The following CSPP1 variants were observed in gnomAD, a reference collection of about 807,000 sequenced individuals.
CSPP1 encodes the protein centrosome and spindle pole associated protein 1, also known as centrosome and spindle pole-associated protein 1.
A neutral mutation model predicts 164.4 loss-of-function variants in CSPP1; 126 were observed. The observed-to-expected ratio is 0.77, with a 90% CI of 0.66 to 0.89. The LOEUF (loss-of-function observed/expected upper bound fraction) is 0.89. CSPP1 is among the 40% of genes least tolerant of loss of function. The pLI is 0.00. For synonymous variants in CSPP1, 472 were observed against 476.7 expected (o/e 0.99, Z 0.13); for missense variants, 1,395 against 1,449.8 (o/e 0.96, Z 0.61).
chr8:67,169,272 C>G (rs1189397676), intron 24 of CSPP1, among the ~76,000 whole-genome samples: 1 of 152,084 alleles, frequency 6.6e-6, no homozygotes, highest in African/African-American at 2.4e-5. Flanking sequence ...ATCACTCCCT[C>G]AAAGCCCTGG....
chr8:67,131,912 G>C (rs762561992), intron 15 of CSPP1, 39 bp from the exon 16 acceptor site: 1 of 1,522,578 alleles, frequency 6.6e-7, no homozygotes, highest in African/African-American at 1.4e-5. Context: ...TTGCTTTGTC[G>C]TCAATGGATT....
intron 15 of CSPP1, among the ~76,000 whole-genome samples, chr8:67,124,573 T>G (rs1372174380): frequency 6.6e-6 from 1 of 152,284 alleles, no homozygotes; most frequent in South Asian, 2.1e-4. Flanking sequence ...TGATCATGGC[T>G]CACTGCAAGC....
At chr8:67,173,700 A>G (rs1472942507) in intron 25 of CSPP1, 1 of 152,076 alleles carries the variant, frequency 6.6e-6, no homozygotes. Context: ...AATTTTCTCT[A>G]TTGTTTTTCA....
intron 2 of CSPP1, chr8:67,074,936 A>G (rs1424145690): frequency 6.2e-6 from 1 of 160,224 alleles, no homozygotes; most frequent in Non-Finnish European, 1.4e-5. Context: ...GCCCGCCACT[A>G]TGCCTGGCTA....
At chr8:67,106,719 G>C (rs1021198119) in intron 9 of CSPP1, among the ~76,000 whole-genome samples, 14 of 152,202 alleles carry the variant, frequency 9.2e-5, no homozygotes, top group African/African-American at 3.1e-4. Flanking sequence ...ATAGAAAAGA[G>C]GTCTTTTTGT....
intron 15 of CSPP1, 139 bp downstream of exon 15, chr8:67,118,960 C>A: frequency 1.6e-6 from 1 of 631,980 alleles, no homozygotes; most frequent in Non-Finnish European, 2.9e-6. Context: ...CAACCATCAC[C>A]ACAATCCATC....
At chr8:67,082,152 A>G (rs1299669471) in intron 3 of CSPP1, among the ~76,000 whole-genome samples, 2 of 152,128 alleles carry the variant, frequency 1.3e-5, no homozygotes, top group Non-Finnish European at 2.9e-5. Context: ...GGTTCAAGCT[A>G]TTCTCCTGCC....
rs778822396 is a variant in CSPP1, at chr8:67,154,056, C to T, written c.2161C>T (p.Arg721Trp). Residue 721 changes from arginine to tryptophan, a missense_variant, in exon 19 of 31, where the codon CGG (arginine) becomes TGG (tryptophan). Coordinates refer to ENST00000678616, the MANE Select transcript of CSPP1 (RefSeq NM_001382391.1). ...GCAAACACAGAGCTCTCCTTTTGCT[C>T]GGGGAAATGTATTTGGTGAGCCTCC... ...HMQTQSSPFARGNVFGEPPTE... is the reference protein window; with the variant it reads ...HMQTQSSPFAWGNVFGEPPTE... 25 of 1,604,092 alleles carry T rather than the reference C, an allele frequency of 1.6e-5. No individual in the cohort carries two copies. The highest frequency in any genetic ancestry group is 5.5e-5 in the South Asian group (5 of 90,494).
chr8:67,161,895 A>C lies in CSPP1; in HGVS notation c.2623A>C (p.Ile875Leu), dbSNP rs1828430204. ...KLQRPPSVDS[I>L]IRSFIHESSM... The stretch of plus-strand genomic sequence containing the variant: ...CCAAAGACCTCCTTCAGTTGACAGC[A>C]TCATACGTTCCTTTATTCATGTATG... The change falls in exon 22 of 31, where the codon ATC becomes CTC. Residue 875 changes from isoleucine to leucine, a missense_variant. Ile to Leu is a conservative substitution (Grantham distance 5). Transcript: ENST00000678616. 6.2e-7 allele frequency: 1 copy of C among 1,609,166 alleles called. No homozygotes were observed. The highest frequency in any genetic ancestry group is 1.7e-5 in the Admixed American group (1 of 59,982).
chr8:67,154,013 T>C lies in CSPP1; in HGVS notation c.2129-11T>C, dbSNP rs1455763063. 1 of 1,441,776 alleles carries C rather than the reference T, an allele frequency of 6.9e-7. No homozygotes were observed. The highest frequency in any genetic ancestry group is 1.4e-5 in the African/African-American group (1 of 71,442). 89.3% of individuals were successfully genotyped at this position (1,441,776 alleles called of 1,614,324 possible). A position where few individuals can be genotyped will look rare whatever the true frequency, so the allele number is the denominator to read the frequency against. The stretch of plus-strand genomic sequence containing the variant: ...GCTAATAGTATGTTTTTGCAAAATA[T>C]TTCTTTCAAGGTCATATGCAAACAC... On this transcript the variant is annotated splice_polypyrimidine_tract_variant and intron_variant, in intron 18 of 30. Coordinates refer to ENST00000678616, the MANE Select transcript of CSPP1 (RefSeq NM_001382391.1).
At chr8:67,118,864 TTTG>T (rs749254186) in intron 15 of CSPP1, 43 bp downstream of exon 15, 12 of 1,320,602 alleles carry the variant, frequency 9.1e-6, no homozygotes, top group South Asian at 2.4e-5. Flanking sequence ...CCACTTTTAT[TTTG>T]TTAAGATACA....
At chr8:67,160,030 T>TCTTTTC (rs1827983220) in intron 21 of CSPP1, among the ~76,000 whole-genome samples, 1 of 109,174 alleles carries the variant, frequency 9.2e-6, no homozygotes, top group Non-Finnish European at 1.6e-5. Flanking sequence ...TCTTTTCTTT[T>TCTTTTC]CTTTTTCTTT....
At chr8:67,187,007 A>C (rs748160853) in intron 28 of CSPP1, among the ~76,000 whole-genome samples, 1 of 150,726 alleles carries the variant, frequency 6.6e-6, no homozygotes, top group Non-Finnish European at 1.5e-5. Context: ...CTATCTATCT[A>C]TCTATCTAAT....
At chr8:67,179,284 C>T (rs1039213729) in intron 27 of CSPP1, among the ~76,000 whole-genome samples, 2 of 152,130 alleles carry the variant, frequency 1.3e-5, no homozygotes, top group African/African-American at 4.8e-5. Flanking sequence ...TCCACTATAT[C>T]TGTGCTGCAT....
intron 18 of CSPP1, among the ~76,000 whole-genome samples, chr8:67,152,312 T>C (rs939721393): frequency 1.3e-5 from 2 of 152,140 alleles, no homozygotes; most frequent in African/African-American, 4.8e-5. Context: ...TGTTACAACA[T>C]GTGTTTAAGT....
chr8:67,163,604 A>T, intron 22 of CSPP1, 128 bp from the exon 23 acceptor site: 1 of 624,952 alleles, frequency 1.6e-6, no homozygotes, highest in South Asian at 2.0e-5. Flanking sequence ...ATAGCTGGGT[A>T]AGTTTTGGAG....
At chr8:67,180,849 G>T (rs1832826441) in intron 28 of CSPP1, among the ~76,000 whole-genome samples, 1 of 151,780 alleles carries the variant, frequency 6.6e-6, no homozygotes. Flanking sequence ...AGGTACCATG[G>T]GATCTTCTTT....
At chr8:67,137,279 C>A (rs1224320239) in intron 16 of CSPP1, among the ~76,000 whole-genome samples, 177 bp from the exon 17 acceptor site, 1 of 151,506 alleles carries the variant, frequency 6.6e-6, no homozygotes, top group Admixed American at 6.6e-5. Context: ...AGTATTTTTA[C>A]ATTGAGTATT....
chr8:67,122,190 A>AT (rs58782272), intron 15 of CSPP1, among the ~76,000 whole-genome samples: 12,455 of 142,846 alleles, frequency 0.087, 1,013 homozygotes, highest in African/African-American at 0.22. Flanking sequence ...GGTTTGGTTG[A>AT]TTTTTTTTTT....
Sources: allele counts gnomAD v4.1 joint callset (sites outside exome capture counted in the v4.1 genomes callset), GRCh38; gene constraint gnomAD v4.1.1; transcripts MANE v1.5; gene names NCBI Gene and HGNC (gene_info 2026-07-23, HGNC 2026-07-21).